The following PIK3C2G variants were observed in gnomAD, a reference collection of about 807,000 sequenced individuals.
PIK3C2G encodes the protein phosphatidylinositol 3-kinase C2 domain-containing subunit gamma.
Under a neutral mutation model 181.1 loss-of-function variants are expected in PIK3C2G, and 168 were observed. The ratio of observed to expected loss-of-function variants is 0.93; its 90% confidence interval spans 0.82 to 1.05. The LOEUF (loss-of-function observed/expected upper bound fraction) is 1.05. Among genes scored for constraint, PIK3C2G ranks in the 50% least tolerant of loss-of-function variants. The pLI, the probability that PIK3C2G is intolerant of heterozygous loss-of-function variation, is 0.00. For synonymous variants in PIK3C2G, 573 were observed against 592.2 expected, an observed-to-expected ratio of 0.97 and a Z score of 0.47; for missense variants, 1,869 against 1,732.8, an observed-to-expected ratio of 1.08 and a Z score of -1.40.
intron 31 of PIK3C2G, among the ~76,000 whole-genome samples, chr12:18,639,196 G>A (rs1949736453): frequency 1.3e-5 from 2 of 151,900 alleles, no homozygotes; most frequent in South Asian, 4.2e-4. Context: ...AACCCAAACT[G>A]TCTAATGATA....
At position 18,629,064 on chromosome 12, in the gene PIK3C2G, T is replaced by C. The variant is rs79846885; in HGVS notation, c.4183-11365T>C. On this transcript the variant is annotated intron_variant, in intron 31 of 32. Transcript: ENST00000538779. ...TTGACAAAATAATAGCAAACTTGAGTGAAATGTATTAATTCCCTCTGTGGA... is the reference window on the plus strand; with the variant it reads ...TTGACAAAATAATAGCAAACTTGAGCGAAATGTATTAATTCCCTCTGTGGA... Among the ~76,000 whole-genome samples, 870 of 152,286 alleles carry C rather than the reference T, an allele frequency of 5.7e-3. 2 individuals are homozygous for C. The highest frequency in any genetic ancestry group is 0.01 in the Middle Eastern group (3 of 294).
chr12:18,274,667 G>C (rs566330173), intron 1 of PIK3C2G, among the ~76,000 whole-genome samples: 2 of 152,066 alleles, frequency 1.3e-5, no homozygotes, highest in Non-Finnish European at 2.9e-5. Context: ...GTGGGGGCAG[G>C]GGGGAGGGAT....
At chr12:18,539,043 A>G (rs1944013048) in intron 25 of PIK3C2G, among the ~76,000 whole-genome samples, 1 of 151,930 alleles carries the variant, frequency 6.6e-6, no homozygotes, top group African/African-American at 2.4e-5. Context: ...GGAAACATAC[A>G]TTTGGTCTAT....
At chr12:18,664,502 T>C in the PIK3C2G span, among the ~76,000 whole-genome samples, 60,928 of 152,018 alleles carry the variant, frequency 0.4, 14,269 homozygotes, top group South Asian at 0.59. Flanking sequence ...TTATGCTAAG[T>C]GAAATAAGAA....
chr12:18,683,749 A>G, the PIK3C2G span: 29 of 657,232 alleles, frequency 4.4e-5, 1 homozygote, highest in South Asian at 4.1e-4. Flanking sequence ...AGGAAAGGAT[A>G]GTCTCAGGCT....
intron 29 of PIK3C2G, among the ~76,000 whole-genome samples, chr12:18,572,569 G>A (rs968176954): frequency 1.5e-4 from 23 of 151,426 alleles, no homozygotes; most frequent in African/African-American, 4.4e-4. Flanking sequence ...ATGTAATGTT[G>A]TTACTTTTAT....
At chr12:18,693,740 A>C in the PIK3C2G span, 2 of 1,533,198 alleles carry the variant, frequency 1.3e-6, no homozygotes, top group Non-Finnish European at 1.8e-6. Context: ...ATTTGATTCT[A>C]GGGTAGATGT....
At chr12:18,288,813 A>T (rs1264231909) in intron 3 of PIK3C2G, among the ~76,000 whole-genome samples, 2 of 152,160 alleles carry the variant, frequency 1.3e-5, no homozygotes, top group Non-Finnish European at 2.9e-5. Context: ...TTTAAAACAC[A>T]ATTTCTTATT....
the PIK3C2G span, among the ~76,000 whole-genome samples, chr12:18,718,443 G>A: frequency 2.0e-5 from 3 of 152,002 alleles, no homozygotes; most frequent in Non-Finnish European, 2.9e-5. Context: ...TCCTCTCCAT[G>A]CTCTACAAGA....
chr12:18,463,131 T>C (rs938662790), intron 18 of PIK3C2G, among the ~76,000 whole-genome samples: 1 of 152,178 alleles, frequency 6.6e-6, no homozygotes, highest in Non-Finnish European at 1.5e-5. Context: ...ATTACTGTGA[T>C]CTGATTCTGA....
chr12:18,574,556 A>G (rs1342951669), intron 29 of PIK3C2G, among the ~76,000 whole-genome samples: 3 of 152,204 alleles, frequency 2.0e-5, no homozygotes, highest in East Asian at 1.9e-4. Flanking sequence ...CACTGCCCCA[A>G]TTGTGCATCT....
At chr12:18,596,182 T>C (rs1322204594) in intron 30 of PIK3C2G, among the ~76,000 whole-genome samples, 1 of 151,962 alleles carries the variant, frequency 6.6e-6, no homozygotes, top group African/African-American at 2.4e-5. Flanking sequence ...TTGATTTTGG[T>C]TTTTTCTCTC....
the PIK3C2G span, among the ~76,000 whole-genome samples, chr12:18,673,507 C>A: frequency 6.6e-6 from 1 of 152,114 alleles, no homozygotes; most frequent in African/African-American, 2.4e-5. Flanking sequence ...ACGAACAAGG[C>A]TAGAGAAGCC....
chr12:18,402,100 T>C (rs1452465773), intron 16 of PIK3C2G, among the ~76,000 whole-genome samples: 2 of 152,126 alleles, frequency 1.3e-5, no homozygotes, highest in Non-Finnish European at 2.9e-5. Context: ...TTATTCACAA[T>C]AGCCAAAAAG....
chr12:18,687,952 T>C, the PIK3C2G span: 1 of 1,122,734 alleles, frequency 8.9e-7, no homozygotes, highest in Non-Finnish European at 1.3e-6. Context: ...CATATAACAT[T>C]TTGCTAATTT....
intron 7 of PIK3C2G, among the ~76,000 whole-genome samples, chr12:18,322,036 C>T (rs762103557): frequency 2.0e-5 from 3 of 152,144 alleles, no homozygotes; most frequent in African/African-American, 7.2e-5. Flanking sequence ...CCATTGCGCA[C>T]GTTTACCTAT....
intron 1 of PIK3C2G, among the ~76,000 whole-genome samples, chr12:18,279,462 C>T (rs1372867161): frequency 6.6e-6 from 1 of 151,844 alleles, no homozygotes; most frequent in African/African-American, 2.4e-5. Context: ...AAAGACCTTC[C>T]TGTGGCTCCA....
chr12:18,524,079 T>C (rs1242853740), intron 24 of PIK3C2G, among the ~76,000 whole-genome samples: 1 of 152,208 alleles, frequency 6.6e-6, no homozygotes, highest in Admixed American at 6.5e-5. Flanking sequence ...TTTTCTTTTT[T>C]TCTAAATGAG....
At chr12:18,714,397 T>A in the PIK3C2G span, among the ~76,000 whole-genome samples, 2 of 152,112 alleles carry the variant, frequency 1.3e-5, no homozygotes, top group Non-Finnish European at 2.9e-5. Flanking sequence ...AAAACATGTT[T>A]GACATAAACT....
Sources: gnomAD v4.1 joint callset for allele counts (sites outside exome capture counted in the v4.1 genomes callset) on GRCh38, gnomAD v4.1.1 for gene constraint, MANE v1.5 for transcripts, NCBI Gene and HGNC (gene_info 2026-07-23, HGNC 2026-07-21) for gene names.